The following UBASH3B variants were observed in gnomAD, a reference collection of about 807,000 sequenced individuals.
UBASH3B encodes ubiquitin associated and SH3 domain containing B, also known as ubiquitin-associated and SH3 domain-containing protein B.
In UBASH3B, 37 loss-of-function variants were observed where a neutral mutation model predicts 83.4. The observed-to-expected ratio is 0.44, with a 90% confidence interval of 0.34 to 0.58. UBASH3B has a LOEUF of 0.58. Among genes scored for constraint, UBASH3B ranks in the 20% least tolerant of loss-of-function variants. The pLI, the probability that UBASH3B is intolerant of heterozygous loss-of-function variation, is 0.01. For synonymous variants in UBASH3B, 304 were observed against 318.3 expected (o/e 0.96, Z 0.48); for missense variants, 657 against 827.2 (o/e 0.79, Z 2.52).
In UBASH3B at chr11:122,794,725, C is replaced by G. The variant is rs371034909; in HGVS notation, c.1004C>G (p.Ser335Trp). 6 of 1,613,984 alleles carry G rather than the reference C, an allele frequency of 3.7e-6. No individual in the cohort carries two copies. In the African/African-American group the frequency reaches 8.0e-5, roughly 22 times the overall value. ...AGTTCTTATTCAATCTTAAATACATCGTCATCCAACTCTCTCACGTTTGGG... is the reference window on the plus strand; with the variant it reads ...AGTTCTTATTCAATCTTAAATACATGGTCATCCAACTCTCTCACGTTTGGG... ...FHGSYSILNTSSSNSLTFGDG... is the reference protein window; with the variant it reads ...FHGSYSILNTWSSNSLTFGDG... The change falls in exon 7 of 14, where the codon TCG (serine) becomes TGG (tryptophan). Residue 335 changes from serine to tryptophan, a missense_variant. Around this residue, in one of 3 missense-constraint regions of UBASH3B, gnomAD observed 573 missense variants for 739.0 expected, o/e 0.78. Transcript: ENST00000284273.
chr11:122,739,062 G>T (rs963382026), intron 1 of UBASH3B, among the ~76,000 whole-genome samples: 1 of 152,078 alleles, frequency 6.6e-6, no homozygotes, highest in Non-Finnish European at 1.5e-5. Context: ...GTGGTGGCAC[G>T]ATCACGGCTT....
intron 3 of UBASH3B, among the ~76,000 whole-genome samples, chr11:122,778,590 A>ATT (rs138539169): frequency 2.5e-5 from 3 of 118,092 alleles, no homozygotes; most frequent in Non-Finnish European, 3.6e-5. Context: ...GAGAACTTTG[A>ATT]TTTTTTTTTT....
At chr11:122,732,168 G>T (rs1427466516) in intron 1 of UBASH3B, among the ~76,000 whole-genome samples, 2 of 152,082 alleles carry the variant, frequency 1.3e-5, no homozygotes, top group African/African-American at 4.8e-5. Flanking sequence ...ACATCTTCTT[G>T]GGGTACCCAT....
intron 1 of UBASH3B, among the ~76,000 whole-genome samples, chr11:122,671,484 G>A (rs933306703): frequency 2.6e-5 from 4 of 152,222 alleles, no homozygotes; most frequent in Admixed American, 2.6e-4. Flanking sequence ...TCTACATCAG[G>A]TTGGAGGAGA....
At chr11:122,735,680 A>G (rs1860919999) in intron 1 of UBASH3B, among the ~76,000 whole-genome samples, 2 of 152,236 alleles carry the variant, frequency 1.3e-5, no homozygotes, top group African/African-American at 2.4e-5. Flanking sequence ...TTTGATCTGG[A>G]CATAGAAAAG....
chr11:122,727,687 T>A (rs758513027), intron 1 of UBASH3B: 19 of 152,256 alleles, frequency 1.2e-4, no homozygotes, highest in Admixed American at 2.0e-4. Flanking sequence ...TTCCTGGAAG[T>A]CTTTTCTTGA....
chr11:122,745,530 C>T (rs1861104806), intron 1 of UBASH3B, among the ~76,000 whole-genome samples: 1 of 152,234 alleles, frequency 6.6e-6, no homozygotes, highest in South Asian at 2.1e-4. Flanking sequence ...CCAGCTCTTT[C>T]CATAGCTTTG....
At chr11:122,693,594 C>T (rs910822810) in intron 1 of UBASH3B, among the ~76,000 whole-genome samples, 4 of 152,090 alleles carry the variant, frequency 2.6e-5, no homozygotes, top group Non-Finnish European at 2.9e-5. Context: ...GAATGATGGC[C>T]GAGCGTGGTG....
intron 1 of UBASH3B, among the ~76,000 whole-genome samples, chr11:122,677,079 G>GA (rs1021268137): frequency 2.0e-5 from 3 of 152,138 alleles, no homozygotes; most frequent in African/African-American, 7.2e-5. Flanking sequence ...ATATTGGGGG[G>GA]AAAAATTGCA....
At chr11:122,785,253 C>T (rs1483872043) in intron 5 of UBASH3B, among the ~76,000 whole-genome samples, 1 of 152,166 alleles carries the variant, frequency 6.6e-6, no homozygotes, top group African/African-American at 2.4e-5. Flanking sequence ...TATTACCGTT[C>T]GTTCTGATAA....
chr11:122,756,951 C>T (rs1357383928), intron 1 of UBASH3B, among the ~76,000 whole-genome samples: 1 of 152,214 alleles, frequency 6.6e-6, no homozygotes, highest in East Asian at 1.9e-4. Flanking sequence ...TCACTTGCCT[C>T]CGCGGGTCTT....
At chr11:122,737,116 A>T (rs920127756) in intron 1 of UBASH3B, among the ~76,000 whole-genome samples, 19 of 152,184 alleles carry the variant, frequency 1.2e-4, no homozygotes, top group Admixed American at 1.2e-3. Flanking sequence ...GCCTAAAGTA[A>T]ACCAGGGAAG....
chr11:122,716,251 C>T (rs991963440), intron 1 of UBASH3B, among the ~76,000 whole-genome samples: 8 of 152,218 alleles, frequency 5.3e-5, no homozygotes, highest in Middle Eastern at 3.2e-3. Flanking sequence ...TGACTCACTG[C>T]GGCCCCAGCC....
chr11:122,767,612 C>G (rs1466493874), intron 1 of UBASH3B, among the ~76,000 whole-genome samples: 1 of 152,136 alleles, frequency 6.6e-6, no homozygotes, highest in African/African-American at 2.4e-5. Flanking sequence ...CGCCCGGCCC[C>G]TTATGCTCTT....
intron 1 of UBASH3B, among the ~76,000 whole-genome samples, chr11:122,675,917 A>C (rs1394271172): frequency 6.6e-6 from 1 of 152,216 alleles, no homozygotes; most frequent in Non-Finnish European, 1.5e-5. Flanking sequence ...TACTATGTGT[A>C]ATTTTACTCT....
chr11:122,778,790 A>G (rs903826572), intron 3 of UBASH3B, among the ~76,000 whole-genome samples: 1 of 151,988 alleles, frequency 6.6e-6, no homozygotes, highest in African/African-American at 2.4e-5. Flanking sequence ...TTTTTAGTAG[A>G]GATGGGGTTT....
intron 1 of UBASH3B, among the ~76,000 whole-genome samples, chr11:122,773,470 A>C (rs996008415): frequency 1.3e-5 from 2 of 152,258 alleles, no homozygotes; most frequent in Non-Finnish European, 2.9e-5. Flanking sequence ...GATAGGTAAC[A>C]GCTTTCTTGA....
chr11:122,673,070 C>G (rs981258161), intron 1 of UBASH3B, among the ~76,000 whole-genome samples: 1 of 152,206 alleles, frequency 6.6e-6, no homozygotes, highest in Admixed American at 6.5e-5. Context: ...GTTGGGCAAG[C>G]GTTCACTGGC....
At chr11:122,686,889 A>G (rs373865617) in intron 1 of UBASH3B, among the ~76,000 whole-genome samples, 2 of 150,270 alleles carry the variant, frequency 1.3e-5, no homozygotes, top group African/African-American at 4.9e-5. Flanking sequence ...TTTTTTTGAG[A>G]CAGGGTCTAG....
Sources: gnomAD v4.1 joint callset for allele counts (sites outside exome capture counted in the v4.1 genomes callset) on GRCh38, gnomAD v4.1.1 for gene constraint, gnomAD v4.1.1 regional missense constraint, MANE v1.5 for transcripts, NCBI Gene and HGNC (gene_info 2026-07-23, HGNC 2026-07-21) for gene names.